The following NPNT variants were observed in gnomAD, a reference collection of about 807,000 sequenced individuals.
The protein encoded by NPNT is nephronectin, also known as preosteoblast EGF-like repeat protein with MAM domain.
NPNT carries 45 observed loss-of-function variants against 68.6 expected under a neutral mutation model. The ratio of observed to expected loss-of-function variants is 0.66; its 90% CI spans 0.52 to 0.84. NPNT has a LOEUF of 0.84. Among genes scored for constraint, NPNT ranks in the 40% least tolerant of loss-of-function variants. NPNT has a pLI of 0.00. For synonymous variants in NPNT, 233 were observed against 253.3 expected (o/e 0.92, Z 0.76); for missense variants, 672 against 714.8 (o/e 0.94, Z 0.68).
chr4:105,959,121 C>T lies in NPNT; in HGVS notation c.1340C>T (p.Pro447Leu). The T allele has an allele frequency of 6.2e-7, 1 of 1,607,330 alleles. No individual in the cohort carries two copies. The highest frequency in any genetic ancestry group is 1.1e-5 in the South Asian group (1 of 90,932). Residue 447 changes from proline (P) to leucine (L), a missense_variant, in exon 10 of 12, where the codon CCA becomes CTA. Physicochemically the swap from Pro to Leu is moderately conservative, Grantham distance 98. Coordinates refer to ENST00000379987, the MANE Select transcript of NPNT (RefSeq NM_001033047.3). ...TTGCACTGGGAACCAATCAGGGACC[C>T]AGCAGGTAAAACCATTTCATTTAAC... ...NDLHWEPIRDPAGGQYLTVSA... is the reference protein window; with the variant it reads ...NDLHWEPIRDLAGGQYLTVSA...
chr4:105,913,431 G>A (rs1727538050), intron 2 of NPNT, among the ~76,000 whole-genome samples: 1 of 152,132 alleles, frequency 6.6e-6, no homozygotes, highest in African/African-American at 2.4e-5. Flanking sequence ...ACCAACATCT[G>A]GGTTCAGGAA....
At chr4:105,910,766 A>G (rs1374544398) in intron 2 of NPNT, among the ~76,000 whole-genome samples, 1 of 152,152 alleles carries the variant, frequency 6.6e-6, no homozygotes, top group Non-Finnish European at 1.5e-5. Context: ...AACTTACTAG[A>G]TCTATGTATT....
At chr4:105,920,643 G>T (rs762597882) in intron 2 of NPNT, among the ~76,000 whole-genome samples, 3 of 151,928 alleles carry the variant, frequency 2.0e-5, no homozygotes, top group Non-Finnish European at 4.4e-5. Flanking sequence ...ATATACAGAT[G>T]CAGCCACTTA....
intron 8 of NPNT, among the ~76,000 whole-genome samples, chr4:105,944,175 T>C (rs1430784810): frequency 6.6e-6 from 1 of 152,190 alleles, no homozygotes; most frequent in Non-Finnish European, 1.5e-5. Context: ...TCTCAAAATA[T>C]ACATTTTATA....
At chr4:105,929,008 T>C (rs1453245905) in intron 3 of NPNT, among the ~76,000 whole-genome samples, 2 of 152,188 alleles carry the variant, frequency 1.3e-5, no homozygotes, top group Non-Finnish European at 2.9e-5. Context: ...CATGAAGCTT[T>C]GTTACAAAGG....
chr4:105,960,110 A>G (rs1731601167), intron 10 of NPNT, among the ~76,000 whole-genome samples: 1 of 152,180 alleles, frequency 6.6e-6, no homozygotes, highest in Non-Finnish European at 1.5e-5. Flanking sequence ...GCGCCCAGCC[A>G]GAAGTTAAAT....
At chr4:105,946,531 G>A (rs751603352) in intron 8 of NPNT, among the ~76,000 whole-genome samples, 5 of 152,132 alleles carry the variant, frequency 3.3e-5, no homozygotes, top group Admixed American at 6.6e-5. Flanking sequence ...GAAAGAGTAC[G>A]AAGAGAGGAA....
At position 105,968,951 on chromosome 4, in the gene NPNT, T is replaced by C. The variant is rs559841432; in HGVS notation, c.1659T>C (p.Asp553=). The C allele has an allele frequency of 3.1e-6, 5 of 1,613,436 alleles. No individual in the cohort carries two copies. In the South Asian group the frequency reaches 4.4e-5, roughly 14 times the overall value. ...RGHTGEIGLD[D]VSLKKGHCSE... is the part of the protein sequence containing the mutation. ...ACACTGGGGAGATTGGATTAGATGA[T>C]GTGAGCTTGAAAAAAGGCCACTGCT... Residue 553 remains aspartate (D), a synonymous_variant, in exon 12 of 12, where the codon GAT becomes GAC. Transcript: ENST00000379987.
rs1273249015 is a variant in NPNT at position 105,912,073 on chromosome 4, T to G, written c.172+14072T>G. Reference sequence around the variant, plus strand: ...ATTTTTTTTTGTTTCAGAAAAGCACTGAAAGTTGAATATGTGTAAGTCTCC... The same window carrying G: ...ATTTTTTTTTGTTTCAGAAAAGCACGGAAAGTTGAATATGTGTAAGTCTCC... On this transcript the variant is annotated intron_variant, in intron 2 of 11. Coordinates refer to ENST00000379987, the MANE Select transcript of NPNT (RefSeq NM_001033047.3). 6 of 717,916 alleles carry G rather than the reference T, an allele frequency of 8.4e-6. No homozygotes were observed. In the African/African-American group the frequency reaches 8.9e-5, roughly 11 times the overall value. 44.5% of individuals were successfully genotyped at this position (717,916 alleles called of 1,614,324 possible).
At chr4:105,928,604 ACT>A (rs1223502306) in intron 3 of NPNT, among the ~76,000 whole-genome samples, 1 of 142,538 alleles carries the variant, frequency 7.0e-6, no homozygotes, top group East Asian at 2.0e-4. Context: ...CAAGAGCGAA[ACT>A]CTGTCTCAAA....
At position 105,940,082 on chromosome 4, in the gene NPNT, T is replaced by C; in HGVS notation, c.513T>C (p.Asp171=). Residue 171 remains aspartate (D), a synonymous_variant, in exon 6 of 12, where the codon GAT becomes GAC. Coordinates refer to ENST00000379987, the MANE Select transcript of NPNT (RefSeq NM_001033047.3). ...ATTGACTTATGTTTCTAGATGTTGA[T>C]GAATGTGCTACAGGAAGAGCCTCCT... ...APDGRTCVDV[D]ECATGRASCP... The C allele has an allele frequency of 6.2e-7, 1 of 1,613,330 alleles. No homozygotes were observed. Among genetic ancestry groups the C allele is most frequent in the African/African-American group, 1.3e-5 (1 of 75,040 alleles).
At chr4:105,961,875 G>T (rs901421353) in intron 10 of NPNT, among the ~76,000 whole-genome samples, 1 of 152,122 alleles carries the variant, frequency 6.6e-6, no homozygotes, top group Non-Finnish European at 1.5e-5. Flanking sequence ...ACCAAACTAC[G>T]GTTGACTCAA....
chr4:105,898,356 C>CTG lies in NPNT; in HGVS notation c.172+356_172+357insGT, dbSNP rs1726108592. Among the ~76,000 whole-genome samples the CTG allele has an allele frequency of 1.4e-5, 2 of 146,316 alleles. 1 individual carries two copies. Among genetic ancestry groups the CTG allele is most frequent in the African/African-American group, 5.3e-5 (2 of 37,704 alleles). ...TCTCTCTCTCTCTCTCTCTCTCTCT[C>CTG]TCTCTCTCTCTCTCTCTCTCTCTCG... On this transcript the variant is annotated intron_variant, in intron 2 of 11. Coordinates refer to ENST00000379987, the MANE Select transcript of NPNT (RefSeq NM_001033047.3).
At chr4:105,901,428 G>T (rs903472219) in intron 2 of NPNT, among the ~76,000 whole-genome samples, 1 of 152,180 alleles carries the variant, frequency 6.6e-6, no homozygotes, top group African/African-American at 2.4e-5. Context: ...TTGTATGGTT[G>T]TCCTTCTGTT....
At chr4:105,898,035 G>A in intron 2 of NPNT, 34 bp downstream of exon 2, 13 of 1,437,566 alleles carry the variant, frequency 9.0e-6, no homozygotes, top group Non-Finnish European at 1.2e-5. Context: ...CAGTTCCCTG[G>A]GAGGTGTGGC....
At chr4:105,954,924 C>A (rs1731100587) in intron 8 of NPNT, among the ~76,000 whole-genome samples, 1 of 152,128 alleles carries the variant, frequency 6.6e-6, no homozygotes, top group Admixed American at 6.5e-5. Flanking sequence ...GAATGTAGAT[C>A]CCATGAAGGC....
chr4:105,960,158 A>G (rs1410128101), intron 10 of NPNT, among the ~76,000 whole-genome samples: 1 of 152,166 alleles, frequency 6.6e-6, no homozygotes, highest in Non-Finnish European at 1.5e-5. Context: ...AAGGGTGAGG[A>G]GTTTGGTTTC....
chr4:105,915,934 A>G (rs1036055926), intron 2 of NPNT, among the ~76,000 whole-genome samples: 20 of 152,232 alleles, frequency 1.3e-4, no homozygotes, highest in African/African-American at 4.3e-4. Context: ...CAGTAGAAAA[A>G]GAATGTGGGA....
At chr4:105,963,296 A>G (rs535066789) in intron 10 of NPNT, among the ~76,000 whole-genome samples, 1 of 152,308 alleles carries the variant, frequency 6.6e-6, no homozygotes, top group South Asian at 2.1e-4. Context: ...ATTTCTATCT[A>G]GATTATACCA....
Sources: gnomAD v4.1 joint callset for allele counts (sites outside exome capture counted in the v4.1 genomes callset) on GRCh38, gnomAD v4.1.1 for gene constraint, MANE v1.5 for transcripts, NCBI Gene and HGNC (gene_info 2026-07-23, HGNC 2026-07-21) for gene names.